The following CLCN2 variants were observed in gnomAD, a reference collection of about 807,000 sequenced individuals.
The protein encoded by CLCN2 is chloride voltage-gated channel 2, also known as chloride channel protein 2.
A neutral mutation model predicts 108.3 loss-of-function variants in CLCN2; 72 were observed. That is an observed-to-expected ratio of 0.66 (90% CI 0.55 to 0.81). CLCN2 has a LOEUF of 0.81. CLCN2 is among the 30% of genes least tolerant of loss of function. The pLI is 0.00. For synonymous variants in CLCN2, 471 were observed against 467.1 expected, an observed-to-expected ratio of 1.01 and a Z score of -0.11; for missense variants, 1,048 against 1,205.2, an observed-to-expected ratio of 0.87 and a Z score of 1.93.
At chr3:184,352,241 T>A in intron 21 of CLCN2, 52 bp downstream of exon 21, 2 of 1,612,240 alleles carry the variant, frequency 1.2e-6, no homozygotes, top group Non-Finnish European at 1.7e-6. Context: ...GCCAACATGA[T>A]GATTGAACAC....
Position 184,354,262 on chromosome 3 carries a change from G to T in CLCN2, c.1560C>A (p.Ile520=). 1.2e-6 allele frequency: 2 copies of T among 1,613,060 alleles called. No individual in the cohort carries two copies. The highest frequency in any genetic ancestry group is 1.7e-6 in the Non-Finnish European group (2 of 1,179,960). ...CAATCTGGCCTGTGAGCTCGAACAC[G>T]ATCACAGCCGTGGACACTGTGTGTG... ...AVTHTVSTAV[I]VFELTGQIAH... is the part of the protein sequence containing the mutation. Residue 520 remains isoleucine, a synonymous_variant, in exon 15 of 24, where the codon ATC becomes ATA. Coordinates refer to ENST00000265593, the MANE Select transcript of CLCN2 (RefSeq NM_004366.6).
Position 184,352,486 on chromosome 3 carries a change from G to A in CLCN2, c.2228C>T (p.Ser743Phe), listed in dbSNP as rs967058477. 1.2e-6 allele frequency: 2 copies of A among 1,613,178 alleles called. No individual in the cohort carries two copies. The highest frequency in any genetic ancestry group is 1.3e-5 in the African/African-American group (1 of 75,060). ...PPEAASEKLE[S>F]CEKRKLKRVR... is the part of the protein sequence containing the mutation. ...ACGCTTCAGCTTGCGCTTCTCACAGGATTCCAACTTCTTCAGTTTTGTTAG... is the reference window on the plus strand; with the variant it reads ...ACGCTTCAGCTTGCGCTTCTCACAGAATTCCAACTTCTTCAGTTTTGTTAG... The change falls in exon 20 of 24, where the codon TCC becomes TTC. Residue 743 changes from serine (S) to phenylalanine (F), a missense_variant. By Grantham distance (155) the Ser-to-Phe change is radical. Transcript: ENST00000265593.
chr3:184,353,687 T>G lies in CLCN2; in HGVS notation c.1830A>C (p.Arg610=). ...LRLALHRTKG[R]MLALVESPES... ...CAGGGGACTCCACTAGGGCCAGCAT[T>G]CGGCCCTTGGTCCTGTGCAGTGCCA... is the stretch of plus-strand genomic sequence containing the variant. The change falls in exon 16 of 24, where the codon CGA becomes CGC. Residue 610 remains arginine (R), a synonymous_variant. Coordinates refer to ENST00000265593, the MANE Select transcript of CLCN2 (RefSeq NM_004366.6). The G allele has an allele frequency of 1.2e-6, 2 of 1,612,106 alleles. No individual in the cohort carries two copies. The highest frequency in any genetic ancestry group is 1.7e-6 in the Non-Finnish European group (2 of 1,179,638).
In CLCN2 at chr3:184,355,582, G is replaced by C; in HGVS notation, c.1171-53C>G. The C allele has an allele frequency of 6.2e-7, 1 of 1,611,204 alleles. No homozygotes were observed. The highest frequency in any genetic ancestry group is 1.3e-5 in the African/African-American group (1 of 74,982). On this transcript the variant is annotated intron_variant, in intron 11 of 23. Coordinates refer to ENST00000265593, the MANE Select transcript of CLCN2 (RefSeq NM_004366.6). This position sits in a 1 kb window ranked among gnomAD's most constrained non-coding sequence, Gnocchi z 6.3. ...GGAAACCGACAGGATGAAGGGAAGA[G>C]GCCATGGGATCCCACGGGGAACAAG...
rs1172981812 is a variant in CLCN2, at chr3:184,346,939, T to C, written c.2498A>G (p.Lys833Arg). ...TGGAGGCCACCATCACCTCACCTCC[T>C]TTAGAGTAACGATTCCAATGAGTCT... ...IGRLIGIVTL[K>R]ELRKAIEGSV... The change falls in exon 23 of 24, where the codon AAG becomes AGG. Residue 833 changes from lysine to arginine, a missense_variant. By Grantham distance (26) the Lys-to-Arg change is conservative (BLOSUM62 2). Coordinates refer to ENST00000265593, the MANE Select transcript of CLCN2 (RefSeq NM_004366.6). This position sits in a 1 kb window ranked among gnomAD's most constrained non-coding sequence, Gnocchi z 6.0. 1 of 1,613,854 alleles carries C rather than the reference T, an allele frequency of 6.2e-7. No homozygotes were observed. Among genetic ancestry groups the C allele is most frequent in the African/African-American group, 1.3e-5 (1 of 74,912 alleles).
rs187547158 is a variant in CLCN2, at chr3:184,361,057, G to T, written c.63+360C>A. 6.6e-6 allele frequency among the ~76,000 whole-genome samples: 1 copy of T among 152,240 alleles called. No homozygotes were observed. Among genetic ancestry groups the T allele is most frequent in the African/African-American group, 2.4e-5 (1 of 41,468 alleles). On this transcript the variant is annotated intron_variant, in intron 1 of 23. Coordinates refer to ENST00000265593, the MANE Select transcript of CLCN2 (RefSeq NM_004366.6). The surrounding 1 kb of genome is among the most constrained non-coding windows in gnomAD (Gnocchi z 6.6). ...AATGTCTTGGGTGGTGGAGATAGTG[G>T]CGTAGAGAAAGTTCAATGGTGTGAA...
rs377007160 is a variant in CLCN2 at position 184,354,141 on chromosome 3, T to C, written c.1681A>G (p.Lys561Glu). ...SLYDSIIRIK[K>E]LPYLPELGWG... Reference sequence around the variant, plus strand: ...CCGAGCTCAGGCAGGTAGGGCAGTTTCTTGATTCGGATGATGCTGTCATAG... The same window carrying C: ...CCGAGCTCAGGCAGGTAGGGCAGTTCCTTGATTCGGATGATGCTGTCATAG... Residue 561 changes from lysine (K) to glutamate (E), a missense_variant, in exon 15 of 24, where the codon AAA (lysine) becomes GAA (glutamate). Transcript: ENST00000265593. 2 of 1,612,480 alleles carry C rather than the reference T, an allele frequency of 1.2e-6. No individual in the cohort carries two copies. Among genetic ancestry groups the C allele is most frequent in the African/African-American group, 2.7e-5 (2 of 74,502 alleles).
chr3:184,350,694 C>T (rs1229323441), intron 22 of CLCN2, among the ~76,000 whole-genome samples: 1 of 152,142 alleles, frequency 6.6e-6, no homozygotes, highest in African/African-American at 2.4e-5. Flanking sequence ...GCTGCAGCCT[C>T]CCAAAGTGCT....
At chr3:184,352,223 G>C (rs375783822) in intron 21 of CLCN2, 70 bp downstream of exon 21, 1 of 1,606,232 alleles carries the variant, frequency 6.2e-7, no homozygotes, top group South Asian at 1.1e-5. Flanking sequence ...CCTCCCATGG[G>C]GACAGCAGCC....
At position 184,357,019 on chromosome 3, in the gene CLCN2, T is replaced by C. The variant is rs750001506; in HGVS notation, c.1059A>G (p.Lys353=). 2 of 1,613,674 alleles carry C rather than the reference T, an allele frequency of 1.2e-6. No homozygotes were observed. The highest frequency in any genetic ancestry group is 1.7e-6 in the Non-Finnish European group (2 of 1,179,896). The change falls in exon 10 of 24, where the codon AAA becomes AAG. Residue 353 remains lysine (K), a synonymous_variant. Coordinates refer to ENST00000265593, the MANE Select transcript of CLCN2 (RefSeq NM_004366.6). ...RKIVQVMRKQ[K]TINRFLMRKR... is the part of the protein sequence containing the mutation. Reference sequence around the variant, plus strand: ...TCCTCATGAGGAAGCGATTGATGGTTTTCTGCTTCCGCATCACCTGGACAA... The same window carrying C: ...TCCTCATGAGGAAGCGATTGATGGTCTTCTGCTTCCGCATCACCTGGACAA...
Position 184,353,404 on chromosome 3 carries a change from C to G in CLCN2, c.1874G>C (p.Gly625Ala). ...CACCACCTGTGAACGCTCGATGGAG[C>G]CCAGCAGAATCATGGACTCTGGACA... The part of the protein sequence containing the change: ...VESPESMILL[G>A]SIERSQVVAL... Residue 625 changes from glycine to alanine, a missense_variant, in exon 17 of 24, where the codon GGC (glycine) becomes GCC (alanine). Transcript: ENST00000265593. 2 of 1,611,322 alleles carry G rather than the reference C, an allele frequency of 1.2e-6. No individual in the cohort carries two copies. Among genetic ancestry groups the G allele is most frequent in the Non-Finnish European group, 1.7e-6 (2 of 1,179,044 alleles).
At chr3:184,357,301 G>C (rs374077151) in intron 8 of CLCN2, 35 bp from the exon 9 acceptor site, 4 of 1,613,794 alleles carry the variant, frequency 2.5e-6, no homozygotes, top group Non-Finnish European at 1.7e-6. Context: ...GGCAGGCCTA[G>C]CCTCGTGGGC....
chr3:184,352,288 C>T lies in CLCN2; in HGVS notation c.2310+5G>A, dbSNP rs370148251. 3 of 1,613,348 alleles carry T rather than the reference C, an allele frequency of 1.9e-6. No individual in the cohort carries two copies. Among genetic ancestry groups the T allele is most frequent in the African/African-American group, 2.7e-5 (2 of 74,866 alleles). ...AACAGGGTCCAGAGTCCAGTGGCAC[C>T]TTACCTCTTCAGGGCTCATCTCGCC... On this transcript the variant is annotated splice_donor_5th_base_variant and intron_variant, in intron 21 of 23. Coordinates refer to ENST00000265593, the MANE Select transcript of CLCN2 (RefSeq NM_004366.6).
chr3:184,347,885 C>G (rs1308428241), intron 22 of CLCN2: 1 of 152,212 alleles, frequency 6.6e-6, no homozygotes, highest in Non-Finnish European at 1.5e-5. Context: ...TCAGCCAGTT[C>G]TCCTTATGCT....
chr3:184,356,344 TA>T (rs879298784), intron 10 of CLCN2: 2,524 of 150,872 alleles, frequency 0.017, no homozygotes, highest in South Asian at 0.043. Flanking sequence ...TTCTGGAGAT[TA>T]AAAAAAAAAA....
At position 184,357,057 on chromosome 3, in the gene CLCN2, G is replaced by C. The variant is rs1728605722; in HGVS notation, c.1021C>G (p.Leu341Val). The C allele has an allele frequency of 1.2e-6, 2 of 1,613,630 alleles. No homozygotes were observed. Among genetic ancestry groups the C allele is most frequent in the African/African-American group, 1.3e-5 (1 of 74,854 alleles). ...ATCACCTGGACAATCTTCCGGTTCAGGTAGACAAAGAGGGCTCCACCGAAG... is the reference window on the plus strand; with the variant it reads ...ATCACCTGGACAATCTTCCGGTTCACGTAGACAAAGAGGGCTCCACCGAAG... ...SGFGGALFVYLNRKIVQVMRK... is the reference protein window; with the variant it reads ...SGFGGALFVYVNRKIVQVMRK... The change falls in exon 10 of 24, where the codon CTG (leucine) becomes GTG (valine). Residue 341 changes from leucine (L) to valine (V), a missense_variant. Transcript: ENST00000265593.
chr3:184,358,236 C>T lies in CLCN2; in HGVS notation c.427G>A (p.Val143Ile). 1 of 1,614,170 alleles carries T rather than the reference C, an allele frequency of 6.2e-7. No homozygotes were observed. Among genetic ancestry groups the T allele is most frequent in the South Asian group, 1.1e-5 (1 of 91,084 alleles). ...QYLAWVTYPVVLITFSAGFTQ... is the reference protein window; with the variant it reads ...QYLAWVTYPVILITFSAGFTQ... ...AATCCGGCTGAGAAAGTGATGAGGACAACAGGGTAGGTGACCCAGGCCAGG... is the reference window on the plus strand; with the variant it reads ...AATCCGGCTGAGAAAGTGATGAGGATAACAGGGTAGGTGACCCAGGCCAGG... The change falls in exon 4 of 24, where the codon GTC becomes ATC. Residue 143 changes from valine to isoleucine, a missense_variant. Transcript: ENST00000265593.
intron 6 of CLCN2, 23 bp from the exon 7 acceptor site, chr3:184,357,721 G>A: frequency 1.2e-6 from 2 of 1,614,032 alleles, no homozygotes; most frequent in Non-Finnish European, 1.7e-6. Context: ...GTGGCAAGAG[G>A]GGGTCAGCTG....
rs370266713 is a variant in CLCN2 at position 184,354,274 on chromosome 3, G to T, written c.1548C>A (p.Ser516=). The T allele has an allele frequency of 1.2e-4, 187 of 1,613,022 alleles. No homozygotes were observed. The Middle Eastern group carries it at 2.3e-3, about 20-fold the overall frequency. ...ALAGAVTHTV[S]TAVIVFELTG... is the part of the protein sequence containing the mutation. ...TGAGCTCGAACACGATCACAGCCGT[G>T]GACACTGTGTGTGTCACCGCTCCTG... The change falls in exon 15 of 24, where the codon TCC becomes TCA. Residue 516 remains serine, a synonymous_variant. Coordinates refer to ENST00000265593, the MANE Select transcript of CLCN2 (RefSeq NM_004366.6).
Sources: allele counts gnomAD v4.1 joint callset (sites outside exome capture counted in the v4.1 genomes callset), GRCh38; gene constraint gnomAD v4.1.1; non-coding constraint Gnocchi (gnomAD v3.1); transcripts MANE v1.5; gene names NCBI Gene and HGNC (gene_info 2026-07-23, HGNC 2026-07-21).